The following FLG variants were observed in gnomAD, a reference collection of about 807,000 sequenced individuals.
FLG encodes the protein epidermal filaggrin.
A neutral mutation model predicts 3.8 loss-of-function variants in FLG; 6 were observed. That is an observed-to-expected ratio of 1.60 (90% CI 0.87 to 3.15). The LOEUF is 3.15. FLG is among the 30% of genes most tolerant of loss of function. FLG has a pLI of 0.00. For missense variants in FLG, 7,595 were observed against 5,050.9 expected (o/e 1.50, Z -15.27); for synonymous variants, 2,551 against 1,931.6 (o/e 1.32, Z -8.41).
At position 152,314,292 on chromosome 1, in the gene FLG, C is replaced by T; in HGVS notation, c.594G>A (p.Lys198=). 6.2e-6 allele frequency: 10 copies of T among 1,613,528 alleles called. No individual in the cohort carries two copies. Among genetic ancestry groups the T allele is most frequent in the South Asian group, 1.1e-5 (1 of 91,060 alleles). ...TCTCTTCAAGTCTTTCACTTAGCCT[C>T]TTCCTATTGTCTCCTAATCTAGTAT... ...TENTRLGDNR[K]RLSERLEEKE... Residue 198 remains lysine (K), a synonymous_variant, in exon 3 of 3, where the codon AAG becomes AAA. Coordinates refer to ENST00000368799, the MANE Select transcript of FLG (RefSeq NM_002016.2).
rs761818182 is a variant in FLG, at chr1:152,310,022, C to T, written c.4864G>A (p.Ala1622Thr). ...GAGCCATGTCTTGACTGCTCCCGAG[C>T]AGATCCATAATGGTTTCTGGAAGCC... ...ESASRNHYGS[A>T]REQSRHGSRN... The change falls in exon 3 of 3, where the codon GCT becomes ACT. Residue 1622 changes from alanine (A) to threonine (T), a missense_variant. Transcript: ENST00000368799. The T allele has an allele frequency of 3.1e-6, 5 of 1,613,872 alleles. No individual in the cohort carries two copies. The highest frequency in any genetic ancestry group is 2.2e-5 in the East Asian group (1 of 44,830).
chr1:152,312,688 G>T lies in FLG; in HGVS notation c.2198C>A (p.Ala733Glu). The change falls in exon 3 of 3, where the codon GCA becomes GAA. Residue 733 changes from alanine (A) to glutamate (E), a missense_variant. Physicochemically the swap from Ala to Glu is moderately radical, Grantham distance 107. Transcript: ENST00000368799. ...CCCTCGGTGTCCACTGTCTCTGACT[G>T]CAGATGAAGCTTGTCCGTGCCCAGT... The part of the protein sequence containing the change: ...SGTGHGQASS[A>E]VRDSGHRGSS... 1 of 1,614,004 alleles carries T rather than the reference G, an allele frequency of 6.2e-7. No individual in the cohort carries two copies. Among genetic ancestry groups the T allele is most frequent in the Non-Finnish European group, 8.5e-7 (1 of 1,180,030 alleles).
rs142592778 is a variant in FLG, at chr1:152,308,821, A to G, written c.6065T>C (p.Ile2022Thr). Residue 2022 changes from isoleucine (I) to threonine (T), a missense_variant, in exon 3 of 3, where the codon ATT becomes ACT. Ile to Thr is a moderately conservative substitution (Grantham distance 89). Transcript: ENST00000368799. ...QSADSSRHSGIGHGQASSAVR... is the reference protein window; with the variant it reads ...QSADSSRHSGTGHGQASSAVR... ...TGCAGATGAAGCTTGTCCATGCCCA[A>G]TGCCTGAGTGTCTGGAGCTGTCTGC... 302 of 1,613,928 alleles carry G rather than the reference A, an allele frequency of 1.9e-4. 2 individuals carry two copies. The highest frequency in any genetic ancestry group is 5.6e-4 in the South Asian group (51 of 91,052).
At position 152,309,543 on chromosome 1, in the gene FLG, G is replaced by C. The variant is rs751240186; in HGVS notation, c.5343C>G (p.Arg1781=). 6.2e-6 allele frequency: 10 copies of C among 1,613,702 alleles called. No individual in the cohort carries two copies. In the South Asian group the frequency reaches 9.9e-5, roughly 16 times the overall value. The change falls in exon 3 of 3, where the codon CGC becomes CGG. Residue 1781 remains arginine, a synonymous_variant. Transcript: ENST00000368799. The part of the protein sequence containing the change: ...THEQSESAHG[R]TGPSTGGRQR... ...GTCTTCCTCCAGTGCTGGGCCCTGT[G>C]CGTCCATGGGCGGACTCAGACTGTT...
Position 152,305,423 on chromosome 1 carries a change from G to A in FLG, c.9463C>T (p.Gln3155Ter). Residue 3155 changes from glutamine (Q) to a stop codon, truncating the protein, a stop_gained, in exon 3 of 3, where the codon CAG (glutamine) becomes TAG (stop). Coordinates refer to ENST00000368799, the MANE Select transcript of FLG (RefSeq NM_002016.2). LOFTEE classifies it low-confidence loss of function (END_TRUNC). ...CTGCTTGCACTTCTGGATCCTGACT[G>A]CCCACGGGAGGCATCAGACCTTCCC... ...SQGRSDASRG[Q>*]SGSRSASRTT... is the part of the protein sequence containing the mutation. 1 of 1,601,224 alleles carries A rather than the reference G, an allele frequency of 6.2e-7. No individual in the cohort carries two copies. Among genetic ancestry groups the A allele is most frequent in the Non-Finnish European group, 8.5e-7 (1 of 1,177,824 alleles).
chr1:152,310,781 T>A lies in FLG; in HGVS notation c.4105A>T (p.Arg1369Ter), dbSNP rs1311723754. 1 of 1,611,870 alleles carries A rather than the reference T, an allele frequency of 6.2e-7. No homozygotes were observed. Among genetic ancestry groups the A allele is most frequent in the Non-Finnish European group, 8.5e-7 (1 of 1,179,156 alleles). The change falls in exon 3 of 3, where the codon AGA becomes TGA. Residue 1369 changes from arginine (R) to a stop codon, truncating the protein, a stop_gained. Transcript: ENST00000368799. LOFTEE classifies it low-confidence loss of function (END_TRUNC). ...TGTCTGTGCCCAATGCCTGAGTGTC[T>A]GGAGCTGTCTGCTGACTGCTGGTGG... ...SRHQQSADSSRHSGIGHRQAS... is the reference protein window; with the variant it reads ...SRHQQSADSS
chr1:152,307,419 C>G lies in FLG; in HGVS notation c.7467G>C (p.Gly2489=). ...GGGATGTGGTGTGGCTGTGATGAGA[C>G]CCTGAGTGTCCAGATCTATCTACCA... ...EQLVDRSGHS[G]SHHSHTTSQG... The change falls in exon 3 of 3, where the codon GGG becomes GGC. Residue 2489 remains glycine, a synonymous_variant. Coordinates refer to ENST00000368799, the MANE Select transcript of FLG (RefSeq NM_002016.2). The G allele has an allele frequency of 1.2e-6, 2 of 1,613,182 alleles. No individual in the cohort carries two copies. Among genetic ancestry groups the G allele is most frequent in the Non-Finnish European group, 1.7e-6 (2 of 1,179,684 alleles).
intron 1 of FLG, among the ~76,000 whole-genome samples, chr1:152,320,822 TAG>T (rs1652938283): frequency 6.6e-6 from 1 of 151,032 alleles, no homozygotes; most frequent in African/African-American, 2.4e-5. Flanking sequence ...GTTGAAATCA[TAG>T]AGTTTGTTCT....
chr1:152,312,675 A>G lies in FLG; in HGVS notation c.2211T>C (p.Ser737=), dbSNP rs763309031. The part of the protein sequence containing the change: ...HGQASSAVRD[S]GHRGSSGSQA... ...GACTACCACTGGACCCTCGGTGTCC[A>G]CTGTCTCTGACTGCAGATGAAGCTT... The change falls in exon 3 of 3, where the codon AGT becomes AGC. Residue 737 remains serine, a synonymous_variant. Transcript: ENST00000368799. The G allele has an allele frequency of 6.2e-7, 1 of 1,613,818 alleles. No individual in the cohort carries two copies. The highest frequency in any genetic ancestry group is 1.1e-5 in the South Asian group (1 of 91,054).
rs1373860552 is a variant in FLG, at chr1:152,304,958, C to T, written c.9928G>A (p.Ala3310Thr). 1 of 1,613,936 alleles carries T rather than the reference C, an allele frequency of 6.2e-7. No homozygotes were observed. The highest frequency in any genetic ancestry group is 1.7e-5 in the Admixed American group (1 of 59,996). ...ERHGSRHQQS[A>T]DSSRHSGIPR... ...ATGCCTGAGTGTCTGGAGCTGTCTG[C>T]TGACTGCTGGTGGCGGGATCCGTGT... Residue 3310 changes from alanine to threonine, a missense_variant, in exon 3 of 3, where the codon GCA becomes ACA. Ala to Thr is a moderately conservative substitution (Grantham distance 58). Coordinates refer to ENST00000368799, the MANE Select transcript of FLG (RefSeq NM_002016.2).
At position 152,308,868 on chromosome 1, in the gene FLG, T is replaced by A; in HGVS notation, c.6018A>T (p.Gly2006=). ...QARSSAGERH[G]SHHQLQSADS... ...CTGCTGACTGGAGCTGGTGGTGGGA[T>A]CCATGTCTTTCTCCTGCACTTGATC... is the stretch of plus-strand genomic sequence containing the variant. The change falls in exon 3 of 3, where the codon GGA becomes GGT. Residue 2006 remains glycine (G), a synonymous_variant. Coordinates refer to ENST00000368799, the MANE Select transcript of FLG (RefSeq NM_002016.2). 6.2e-7 allele frequency: 1 copy of A among 1,614,152 alleles called. No homozygotes were observed. The highest frequency in any genetic ancestry group is 2.2e-5 in the East Asian group (1 of 44,878).
chr1:152,315,472 G>A lies in FLG; in HGVS notation c.-16C>T. On this transcript the variant is annotated 5_prime_UTR_variant, in exon 2 of 3. Coordinates refer to ENST00000368799, the MANE Select transcript of FLG (RefSeq NM_002016.2). ...GAGTAGACATCTTTTGGCAATAAATGTGAACCTAGAAAGAAGAAATGAAAA... is the reference window on the plus strand; with the variant it reads ...GAGTAGACATCTTTTGGCAATAAATATGAACCTAGAAAGAAGAAATGAAAA... 1 of 1,607,238 alleles carries A rather than the reference G, an allele frequency of 6.2e-7. No individual in the cohort carries two copies. Among genetic ancestry groups the A allele is most frequent in the African/African-American group, 1.3e-5 (1 of 74,716 alleles).
Position 152,314,119 on chromosome 1 carries a change from ATTTTG to A in FLG, c.762_766del (p.Lys255IlefsTer2), listed in dbSNP as rs755000793. 3.7e-6 allele frequency: 6 copies of A among 1,613,932 alleles called. No homozygotes were observed. In the South Asian group the frequency reaches 6.6e-5, roughly 18 times the overall value. On this transcript the variant is annotated frameshift_variant, in exon 3 of 3. Transcript: ENST00000368799. LOFTEE classifies it low-confidence loss of function (END_TRUNC). ...ATCAGATGACCTTGATCTTTCATAT[ATTTTG>A]TTTTCTTCTAATAGACTATCAGTGG... is the stretch of plus-strand genomic sequence containing the variant.
rs149119521 is a variant in FLG at position 152,312,938 on chromosome 1, G to A, written c.1948C>T (p.Gln650Ter). ...CTGGAGCCATCTCTTGACTGCTCCT[G>A]AGCAGATCCATGATGGTTTCTGGAA... The part of the protein sequence containing the change: ...SASRNHHGSA[Q>*]EQSRDGSRHP... The change falls in exon 3 of 3, where the codon CAG becomes TAG. Residue 650 changes from glutamine (Q) to a stop codon, truncating the protein, a stop_gained. Coordinates refer to ENST00000368799, the MANE Select transcript of FLG (RefSeq NM_002016.2). LOFTEE classifies it low-confidence loss of function (END_TRUNC). 15 of 1,613,938 alleles carry A rather than the reference G, an allele frequency of 9.3e-6. No homozygotes were observed. The African/African-American group carries it at 1.5e-4, about 16-fold the overall frequency.
At position 152,304,755 on chromosome 1, in the gene FLG, C is replaced by T. The variant is rs765904861; in HGVS notation, c.10131G>A (p.Gly3377=). The T allele has an allele frequency of 8.1e-6, 13 of 1,613,418 alleles. No individual in the cohort carries two copies. Among genetic ancestry groups the T allele is most frequent in the South Asian group, 6.6e-5 (6 of 90,976 alleles). ...SHQESARDRS[G]GRSGRSGSFL... ...AAGACCCTGAACGTCCAGACCTTCCCCCTGACCGGTCACGTGCGGACTCTT... is the reference window on the plus strand; with the variant it reads ...AAGACCCTGAACGTCCAGACCTTCCTCCTGACCGGTCACGTGCGGACTCTT... The change falls in exon 3 of 3, where the codon GGG becomes GGA. Residue 3377 remains glycine (G), a synonymous_variant. Transcript: ENST00000368799.
In FLG at chr1:152,308,729, C is replaced by G; in HGVS notation, c.6157G>C (p.Asp2053His). 9.9e-6 allele frequency: 16 copies of G among 1,614,146 alleles called. No homozygotes were observed. The highest frequency in any genetic ancestry group is 1.3e-5 in the Non-Finnish European group (15 of 1,180,002). Residue 2053 changes from aspartate to histidine, a missense_variant, in exon 3 of 3, where the codon GAC (aspartate) becomes CAC (histidine). Transcript: ENST00000368799. Reference sequence around the variant, plus strand: ...GCTGACACTGACTGTGTGTCTGAGTCTTCTGAATGTCCCTCACTGTCACTG... The same window carrying G: ...GCTGACACTGACTGTGTGTCTGAGTGTTCTGAATGTCCCTCACTGTCACTG... ...QASDSEGHSEDSDTQSVSAQG... is the reference protein window; with the variant it reads ...QASDSEGHSEHSDTQSVSAQG...
chr1:152,304,999 G>T lies in FLG; in HGVS notation c.9887C>A (p.Ser3296Ter), dbSNP rs761212672. The T allele has an allele frequency of 5.0e-5, 80 of 1,613,820 alleles. No individual in the cohort carries two copies. The East Asian group carries it at 1.7e-3, about 35-fold the overall frequency. Residue 3296 changes from serine to a stop codon, truncating the protein, a stop_gained, in exon 3 of 3, where the codon TCA becomes TAA. Transcript: ENST00000368799. LOFTEE classifies it low-confidence loss of function (END_TRUNC). ...GGATCCGTGTCTCTCTCCTGGACTT[G>T]ATCTTGCCTGTTCATGGGATGATGC... is the stretch of plus-strand genomic sequence containing the variant. The part of the protein sequence containing the change: ...QAASSHEQAR[S>*]SPGERHGSRH...
chr1:152,308,269 G>A lies in FLG; in HGVS notation c.6617C>T (p.Ser2206Leu). ...KEQSGDGSRHSGSHHHEASSW... is the reference protein window; with the variant it reads ...KEQSGDGSRHLGSHHHEASSW... ...GGAAGCTTCATGATGATGCGACCCT[G>A]AGTGCCTAGAGCCATCTCCTGATTG... Residue 2206 changes from serine (S) to leucine (L), a missense_variant, in exon 3 of 3, where the codon TCA (serine) becomes TTA (leucine). Ser to Leu is a moderately radical substitution (Grantham distance 145). Transcript: ENST00000368799. 1 of 1,613,116 alleles carries A rather than the reference G, an allele frequency of 6.2e-7. No individual in the cohort carries two copies. The highest frequency in any genetic ancestry group is 8.5e-7 in the Non-Finnish European group (1 of 1,179,226).
Position 152,309,257 on chromosome 1 carries a change from C to G in FLG, c.5629G>C (p.Gly1877Arg), listed in dbSNP as rs759521635. ...TGACGCGACCCTGAGTGCCTGGAGC[C>G]GTCTCCTGATTGTTTCTCATTACGT... ...QTRNEKQSGD[G>R]SRHSGSRHHE... is the part of the protein sequence containing the mutation. Residue 1877 changes from glycine to arginine, a missense_variant, in exon 3 of 3, where the codon GGC (glycine) becomes CGC (arginine). Coordinates refer to ENST00000368799, the MANE Select transcript of FLG (RefSeq NM_002016.2). 6.2e-7 allele frequency: 1 copy of G among 1,613,294 alleles called. No individual in the cohort carries two copies. The highest frequency in any genetic ancestry group is 8.5e-7 in the Non-Finnish European group (1 of 1,179,882).
Sources: allele counts gnomAD v4.1 joint callset (sites outside exome capture counted in the v4.1 genomes callset), GRCh38; gene constraint gnomAD v4.1.1; transcripts MANE v1.5; gene names NCBI Gene and HGNC (gene_info 2026-07-23, HGNC 2026-07-21).